The following HDAC8 variants were observed in gnomAD, a reference collection of about 807,000 sequenced individuals.
HDAC8 encodes histone deacetylase-like 1.
Under a neutral mutation model 32.2 loss-of-function variants are expected in HDAC8, and 1 was observed. That is an observed-to-expected ratio of 0.03 (90% confidence interval 0.01 to 0.15). HDAC8 has a LOEUF of 0.15. Among genes scored for constraint, HDAC8 ranks in the 10% least tolerant of loss-of-function variants. The probability of loss-of-function intolerance (pLI) is 1.00; values close to 1 mark genes in which losing one functional copy is unlikely to be tolerated. For synonymous variants in HDAC8, 108 were observed against 113.9 expected (o/e 0.95, Z 0.33); for missense variants, 117 against 300.0 (o/e 0.39, Z 4.51).
At chrX:72,521,215 AT>A (rs201662496) in intron 4 of HDAC8, among the ~76,000 whole-genome samples, 5 of 107,648 alleles carry the variant, frequency 4.6e-5, no homozygotes, top group Admixed American at 9.9e-5. Context: ...CAAAACAGTG[AT>A]TTTTTTTTTA....
chrX:72,470,149 A>AATACATACATAC (rs201216050), intron 7 of HDAC8, among the ~76,000 whole-genome samples: 7 of 97,019 alleles, frequency 7.2e-5, no homozygotes, highest in East Asian at 6.8e-4. Flanking sequence ...CACAGTCTCA[A>AATACATACATAC]ATACATACAT....
intron 9 of HDAC8, among the ~76,000 whole-genome samples, chrX:72,442,620 G>T (rs2047194743): frequency 8.9e-6 from 1 of 111,802 alleles, no homozygotes; most frequent in African/African-American, 3.3e-5. Context: ...GGAAGAAACT[G>T]CATCAACTAA....
intron 10 of HDAC8, among the ~76,000 whole-genome samples, chrX:72,338,499 C>T (rs782676811): frequency 9.2e-6 from 1 of 108,559 alleles, no homozygotes; most frequent in African/African-American, 3.4e-5. Context: ...CTCAGGAACC[C>T]TTGGAGGTTG....
intron 9 of HDAC8, among the ~76,000 whole-genome samples, chrX:72,357,377 G>A (rs1175465513): frequency 9.1e-6 from 1 of 109,647 alleles, no homozygotes; most frequent in African/African-American, 3.3e-5. Flanking sequence ...TAAAATCAAG[G>A]AATTGGACAA....
intron 9 of HDAC8, among the ~76,000 whole-genome samples, chrX:72,448,570 CA>C (rs782525263): frequency 3.6e-5 from 4 of 111,950 alleles, no homozygotes; most frequent in African/African-American, 1.3e-4. Context: ...CAACAAAAGC[CA>C]AAAGTGACAA....
At chrX:72,401,878 G>A (rs2045910142) in intron 9 of HDAC8, among the ~76,000 whole-genome samples, 1 of 112,322 alleles carries the variant, frequency 8.9e-6, no homozygotes, top group Non-Finnish European at 1.9e-5. Context: ...GAATTATTAG[G>A]AAGTGTTCCT....
At chrX:72,382,668 C>T (rs1236466048) in intron 9 of HDAC8, among the ~76,000 whole-genome samples, 1 of 111,921 alleles carries the variant, frequency 8.9e-6, no homozygotes, top group African/African-American at 3.2e-5. Flanking sequence ...GGATTCCATT[C>T]ATATGAAATG....
At chrX:72,504,469 T>G (rs2049322979) in intron 4 of HDAC8, among the ~76,000 whole-genome samples, 1 of 111,892 alleles carries the variant, frequency 8.9e-6, no homozygotes, top group Non-Finnish European at 1.9e-5. Flanking sequence ...ATATAATGTG[T>G]TTGAGGTTCA....
At chrX:72,370,568 C>T (rs1412254698) in intron 9 of HDAC8, among the ~76,000 whole-genome samples, 1 of 111,548 alleles carries the variant, frequency 9.0e-6, no homozygotes, top group South Asian at 3.8e-4. Flanking sequence ...ACCATGTTGG[C>T]CTGGCTGGTC....
intron 9 of HDAC8, among the ~76,000 whole-genome samples, chrX:72,418,757 T>C (rs2046411627): frequency 9.0e-6 from 1 of 111,544 alleles, no homozygotes; most frequent in South Asian, 3.7e-4. Flanking sequence ...AGGATTGTTA[T>C]GGTTTTAGCT....
At chrX:72,426,819 T>C (rs1037898919) in intron 9 of HDAC8, among the ~76,000 whole-genome samples, 3 of 110,114 alleles carry the variant, frequency 2.7e-5, no homozygotes, top group African/African-American at 9.9e-5. Context: ...TACTTGGAGA[T>C]AGAGCCTTTA....
chrX:72,543,200 T>C (rs906275985), intron 4 of HDAC8, among the ~76,000 whole-genome samples: 1 of 111,515 alleles, frequency 9.0e-6, no homozygotes, highest in Non-Finnish European at 1.9e-5. Flanking sequence ...GGAGTGTTGA[T>C]GGTTTCAGTA....
At chrX:72,396,724 G>T (rs1225506167) in intron 9 of HDAC8, among the ~76,000 whole-genome samples, 1 of 110,499 alleles carries the variant, frequency 9.0e-6, no homozygotes, top group African/African-American at 3.3e-5. Context: ...GTACTGGCTG[G>T]GCATGGTGGT....
intron 6 of HDAC8, among the ~76,000 whole-genome samples, chrX:72,489,624 C>T (rs1012827416): frequency 1.1e-4 from 12 of 110,210 alleles, no homozygotes; most frequent in Admixed American, 1.9e-4. Context: ...AAGACTTAAA[C>T]GTTAGACCTA....
chrX:72,541,155 T>C (rs1310643518), intron 4 of HDAC8, among the ~76,000 whole-genome samples: 3 of 91,606 alleles, frequency 3.3e-5, no homozygotes, highest in African/African-American at 1.6e-4. Flanking sequence ...GACAGGAGGC[T>C]TTTTTTTTTT....
intron 9 of HDAC8, among the ~76,000 whole-genome samples, chrX:72,443,661 C>A (rs2047258826): frequency 9.2e-6 from 1 of 108,576 alleles, no homozygotes; most frequent in South Asian, 3.9e-4. Context: ...CAAAAGCTAG[C>A]AGAAGGCAAG....
chrX:72,392,499 C>CAA (rs782417486), intron 9 of HDAC8, among the ~76,000 whole-genome samples: 1,361 of 106,185 alleles, frequency 0.013, 31 homozygotes, highest in African/African-American at 0.05. Context: ...GAAAGGATCC[C>CAA]AAAGAGTCAG....
chrX:72,468,904 T>C (rs2048092776), intron 7 of HDAC8, among the ~76,000 whole-genome samples: 3 of 111,916 alleles, frequency 2.7e-5, no homozygotes, highest in African/African-American at 9.8e-5. Context: ...AGACCTATTT[T>C]TTCCCCCTGC....
At chrX:72,337,702 GT>G (rs2043744061) in intron 10 of HDAC8, among the ~76,000 whole-genome samples, 1 of 111,024 alleles carries the variant, frequency 9.0e-6, no homozygotes, top group Non-Finnish European at 1.9e-5. Context: ...AGAGTATTTT[GT>G]TAATACTTAG....
Sources: gnomAD v4.1 joint callset for allele counts (sites outside exome capture counted in the v4.1 genomes callset) on GRCh38, gnomAD v4.1.1 for gene constraint, MANE v1.5 for transcripts, NCBI Gene and HGNC (gene_info 2026-07-23, HGNC 2026-07-21) for gene names.